KDM4C: variants seen among roughly 807,000 people sequenced by gnomAD.
KDM4C encodes the protein lysine-specific demethylase 4C.
In KDM4C, 81 loss-of-function variants were observed where a neutral mutation model predicts 129.3. That is an observed-to-expected ratio of 0.63 (90% confidence interval 0.52 to 0.75). The LOEUF (loss-of-function observed/expected upper bound fraction) is 0.75, where lower values mean the gene tolerates loss of function less well. Ranked by LOEUF, KDM4C falls within the 30% of genes least tolerant of loss-of-function variation. KDM4C has a pLI of 0.00. For missense variants in KDM4C, 1,457 were observed against 1,304.0 expected, an observed-to-expected ratio of 1.12 and a Z score of -1.81; for synonymous variants, 573 against 456.1, an observed-to-expected ratio of 1.26 and a Z score of -3.26.
intron 17 of KDM4C, among the ~76,000 whole-genome samples, chr9:7,058,274 A>AT (rs35467338): frequency 6.6e-6 from 1 of 151,992 alleles, no homozygotes; most frequent in Admixed American, 6.5e-5. Flanking sequence ...ACTGTTTCCA[A>AT]CCCTTTTCAG....
intron 14 of KDM4C, among the ~76,000 whole-genome samples, chr9:7,015,091 G>C (rs921606413): frequency 6.6e-6 from 1 of 152,036 alleles, no homozygotes; most frequent in African/African-American, 2.4e-5. Flanking sequence ...ATTATTTCAT[G>C]GACATGGTTA....
intron 1 of KDM4C, among the ~76,000 whole-genome samples, chr9:6,778,979 T>C (rs7851584): frequency 0.51 from 75,017 of 146,970 alleles, 19,607 homozygotes; most frequent in African/African-American, 0.62. Context: ...ACCTTGACCT[T>C]CCAAAGTGCT....
chr9:7,007,466 G>T (rs1376571749), intron 12 of KDM4C, among the ~76,000 whole-genome samples: 1 of 152,126 alleles, frequency 6.6e-6, no homozygotes, highest in Admixed American at 6.5e-5. Context: ...AGAAAAGGAG[G>T]CCTTTTTGCT....
At chr9:7,117,941 A>C (rs1839091078) in intron 18 of KDM4C, among the ~76,000 whole-genome samples, 1 of 152,170 alleles carries the variant, frequency 6.6e-6, no homozygotes, top group Non-Finnish European at 1.5e-5. Context: ...TATGAATTAA[A>C]TTGCTTACTC....
chr9:7,042,632 C>T (rs1007796461), intron 15 of KDM4C, among the ~76,000 whole-genome samples: 2 of 152,002 alleles, frequency 1.3e-5, no homozygotes, highest in African/African-American at 2.4e-5. Flanking sequence ...GTATCATCTT[C>T]GTGGTTTGTT....
intron 2 of KDM4C, among the ~76,000 whole-genome samples, chr9:6,799,848 A>G (rs1828595311): frequency 6.6e-6 from 1 of 151,814 alleles, no homozygotes; most frequent in Admixed American, 6.6e-5. Context: ...TATGTCATCA[A>G]AATAGTAAGG....
intron 1 of KDM4C, among the ~76,000 whole-genome samples, chr9:6,735,590 C>G (rs1025732576): frequency 6.6e-6 from 1 of 152,174 alleles, no homozygotes; most frequent in Admixed American, 6.5e-5. Flanking sequence ...TGCACAAGCC[C>G]TCTCTTTTTT....
intron 5 of KDM4C, among the ~76,000 whole-genome samples, chr9:6,863,301 G>C (rs1841307705): frequency 6.6e-6 from 1 of 152,062 alleles, no homozygotes; most frequent in African/African-American, 2.4e-5. Context: ...GTTATGTGTG[G>C]ATTCCATCTG....
intron 11 of KDM4C, among the ~76,000 whole-genome samples, chr9:6,989,025 T>G (rs898039727): frequency 6.6e-6 from 1 of 152,218 alleles, no homozygotes; most frequent in Non-Finnish European, 1.5e-5. Context: ...AGCAGAAACC[T>G]GATGTAATTT....
At chr9:6,862,839 C>CA (rs1554613996) in intron 5 of KDM4C, among the ~76,000 whole-genome samples, 1 of 149,102 alleles carries the variant, frequency 6.7e-6, no homozygotes, top group East Asian at 1.9e-4. Context: ...AACAAACAAA[C>CA]AAAAAACAAA....
chr9:7,130,597 C>T lies in KDM4C; in HGVS notation c.2781+2361C>T, dbSNP rs140643487. ...CTCTTTACAGCTTGGTTAGCTGTCA[C>T]TTAGCATTTTTGATAAGGATTTGAG... On this transcript the variant is annotated intron_variant, in intron 19 of 21. Coordinates refer to ENST00000381309, the MANE Select transcript of KDM4C (RefSeq NM_015061.6). Among the ~76,000 whole-genome samples, 582 of 152,290 alleles carry T rather than the reference C, an allele frequency of 3.8e-3. 6 individuals carry two copies. The highest frequency in any genetic ancestry group is 0.013 in the African/African-American group (558 of 41,554).
chr9:7,072,480 G>A (rs757093321), intron 17 of KDM4C, among the ~76,000 whole-genome samples: 13 of 152,204 alleles, frequency 8.5e-5, no homozygotes, highest in Non-Finnish European at 4.4e-5. Flanking sequence ...AACCATGGAT[G>A]AATCTCAGAT....
chr9:6,897,215 G>A (rs1274140040), intron 8 of KDM4C, among the ~76,000 whole-genome samples: 1 of 152,156 alleles, frequency 6.6e-6, no homozygotes, highest in African/African-American at 2.4e-5. Context: ...TTTTTTGTGT[G>A]TGTATGGATT....
At chr9:6,932,914 T>C (rs1167616793) in intron 8 of KDM4C, among the ~76,000 whole-genome samples, 1 of 152,246 alleles carries the variant, frequency 6.6e-6, no homozygotes, top group Non-Finnish European at 1.5e-5. Context: ...AACTCTGCAC[T>C]ACTGCACTTT....
Position 6,974,117 on chromosome 9 carries a change from T to G in KDM4C, c.922-6808T>G, listed in dbSNP as rs1019760212. On this transcript the variant is annotated intron_variant, in intron 8 of 21. Coordinates refer to ENST00000381309, the MANE Select transcript of KDM4C (RefSeq NM_015061.6). ...ATCCTTGTGACATCCAACAAGTCAG[T>G]TAGCATTTTTGTGCCTCAGTTTCTT... Among the ~76,000 whole-genome samples the G allele has an allele frequency of 7.2e-5, 11 of 152,194 alleles. No individual in the cohort carries two copies. In the East Asian group the frequency reaches 1.5e-3, roughly 21 times the overall value.
chr9:6,822,047 G>A (rs1833123497), intron 4 of KDM4C, among the ~76,000 whole-genome samples: 1 of 152,168 alleles, frequency 6.6e-6, no homozygotes, highest in Admixed American at 6.6e-5. Flanking sequence ...ACTTAAGCAA[G>A]TTATTATTTT....
chr9:6,838,319 G>A (rs1222913193), intron 4 of KDM4C, among the ~76,000 whole-genome samples: 1 of 152,136 alleles, frequency 6.6e-6, no homozygotes, highest in African/African-American at 2.4e-5. Flanking sequence ...TGCAGTGTTG[G>A]CTTTCTTCCC....
intron 4 of KDM4C, among the ~76,000 whole-genome samples, chr9:6,828,899 A>T (rs1834339594): frequency 6.6e-6 from 1 of 152,096 alleles, no homozygotes; most frequent in South Asian, 2.1e-4. Flanking sequence ...GTTGGATAGG[A>T]TGTGAGTAGA....
intron 8 of KDM4C, among the ~76,000 whole-genome samples, chr9:6,951,507 A>G (rs565311618): frequency 6.6e-6 from 1 of 152,122 alleles, no homozygotes; most frequent in Non-Finnish European, 1.5e-5. Context: ...TCGGCTTTCT[A>G]TGAAAAAGAG....
Sources: allele counts gnomAD v4.1 joint callset (sites outside exome capture counted in the v4.1 genomes callset), GRCh38; gene constraint gnomAD v4.1.1; transcripts MANE v1.5; gene names NCBI Gene and HGNC (gene_info 2026-07-23, HGNC 2026-07-21).